The following CUL2 variants were observed in gnomAD, a reference collection of about 807,000 sequenced individuals.
CUL2 encodes cullin 2.
In CUL2, 22 loss-of-function variants were observed where a neutral mutation model predicts 110.2. The observed-to-expected ratio is 0.20, with a 90% CI of 0.14 to 0.28. CUL2 has a LOEUF of 0.28. CUL2 is among the 10% of genes least tolerant of loss of function. The pLI is 1.00. For missense variants in CUL2, 631 were observed against 905.5 expected, an observed-to-expected ratio of 0.70 and a Z score of 3.89; for synonymous variants, 279 against 293.2, an observed-to-expected ratio of 0.95 and a Z score of 0.49.
chr10:35,103,916 G>A (rs1216748667), intron 1 of CUL2, among the ~76,000 whole-genome samples: 1 of 151,596 alleles, frequency 6.6e-6, no homozygotes, highest in African/African-American at 2.4e-5. Flanking sequence ...TGGAATTGAG[G>A]GGATCCACTT....
chr10:35,045,330 T>C (rs2134809926), intron 6 of CUL2, among the ~76,000 whole-genome samples: 1 of 152,302 alleles, frequency 6.6e-6, no homozygotes, highest in South Asian at 2.1e-4. Flanking sequence ...GGCTCGTGCC[T>C]GTAATCCCAA....
At position 35,078,065 on chromosome 10, in the gene CUL2, G is replaced by A. The variant is rs1246119816; in HGVS notation, c.-22-6726C>T. ...AACATTAATATTTTCATAAATTTAG[G>A]GGAGAAAGCACATCATCTCTAACTG... On this transcript the variant is annotated intron_variant, in intron 1 of 20. Transcript: ENST00000374749. Among the ~76,000 whole-genome samples the A allele has an allele frequency of 4.6e-5, 7 of 151,932 alleles. No homozygotes were observed. In the East Asian group the frequency reaches 1.4e-3, roughly 29 times the overall value.
rs193194246 is a variant in CUL2 at position 35,106,350 on chromosome 10, C to T, written c.-50-5290G>A. ...TTTTTGTTTGTTTGAGAAGGAGTCT[C>T]ACTCTGTAGCCCAGGCTGGAGTGCA... On this transcript the variant is annotated intron_variant, in intron 1 of 5. Coordinates refer to the CUL2 transcript ENST00000685421. Among the ~76,000 whole-genome samples the T allele has an allele frequency of 4.9e-3, 729 of 150,154 alleles. 7 individuals are homozygous for T. The highest frequency in any genetic ancestry group is 0.014 in the Middle Eastern group (4 of 288).
rs773618932 is a variant in CUL2 at position 35,008,762 on chromosome 10, G to C, written c.*1549C>G. Reference sequence around the variant, plus strand: ...AAAAATGCAATTGAATAAACCAATTGTAAGACCCATCTCAAAACAACAAAT... The same window carrying C: ...AAAAATGCAATTGAATAAACCAATTCTAAGACCCATCTCAAAACAACAAAT... On this transcript the variant is annotated 3_prime_UTR_variant, in exon 21 of 21. Coordinates refer to ENST00000374749, the MANE Select transcript of CUL2 (RefSeq NM_003591.4). The C allele has an allele frequency of 2.0e-5, 3 of 152,228 alleles. No individual in the cohort carries two copies. Among genetic ancestry groups the C allele is most frequent in the South Asian group, 4.1e-4 (2 of 4,826 alleles). 9.4% of individuals were successfully genotyped at this position (152,228 alleles called of 1,614,324 possible).
At chr10:35,097,560 G>A (rs1427888229) in intron 2 of CUL2, among the ~76,000 whole-genome samples, 1 of 150,580 alleles carries the variant, frequency 6.6e-6, no homozygotes, top group Non-Finnish European at 1.5e-5. Flanking sequence ...AGGTGATCAA[G>A]CCCAGTATTA....
At chr10:35,038,515 G>A (rs1226489161) in intron 9 of CUL2, among the ~76,000 whole-genome samples, 2 of 86,550 alleles carry the variant, frequency 2.3e-5, no homozygotes, top group African/African-American at 9.5e-5. Context: ...GACAGAGTGA[G>A]ACTCTGTCTC....
At chr10:35,034,192 C>G (rs957329215) in intron 10 of CUL2, among the ~76,000 whole-genome samples, 2 of 152,168 alleles carry the variant, frequency 1.3e-5, no homozygotes, top group Non-Finnish European at 2.9e-5. Flanking sequence ...TTTCCATCTC[C>G]CAGCCTTGAC....
chr10:35,038,474 C>A (rs571981648), intron 9 of CUL2, among the ~76,000 whole-genome samples: 1 of 114,904 alleles, frequency 8.7e-6, no homozygotes, highest in African/African-American at 3.3e-5. Context: ...TGCAGCGAGC[C>A]AAGAGCACGC....
Position 35,011,860 on chromosome 10 carries a change from G to A in CUL2, c.2094C>T (p.Ala698=), listed in dbSNP as rs751128379. 2 of 1,606,920 alleles carry A rather than the reference G, an allele frequency of 1.2e-6. No homozygotes were observed. The highest frequency in any genetic ancestry group is 1.7e-5 in the Admixed American group (1 of 59,906). The part of the protein sequence containing the change: ...MKARKVLRHN[A]LIQEVISQSR... ...GCCCTCCTTTTACCTCTTGAATAAG[G>A]GCATTGTGCCGAAGCACTTTTCGTG... is the stretch of plus-strand genomic sequence containing the variant. Residue 698 remains alanine (A), a synonymous_variant, in exon 20 of 21, where the codon GCC becomes GCT. Transcript: ENST00000374749.
intron 1 of CUL2, chr10:35,074,405 C>T (rs1015647305): frequency 3.2e-6 from 2 of 619,276 alleles, no homozygotes; most frequent in Non-Finnish European, 5.8e-6. Context: ...TGCCTTTACC[C>T]TTACTATTTT....
chr10:35,012,848 A>G (rs1466953407), intron 19 of CUL2, among the ~76,000 whole-genome samples: 1 of 152,174 alleles, frequency 6.6e-6, no homozygotes, highest in East Asian at 1.9e-4. Context: ...AGTGATAGAA[A>G]CAGTCTATCC....
chr10:35,077,583 C>T (rs1047687667), intron 1 of CUL2, among the ~76,000 whole-genome samples: 2 of 151,604 alleles, frequency 1.3e-5, no homozygotes, highest in Non-Finnish European at 2.9e-5. Context: ...TTTGGGAGGC[C>T]GAGGCAGGCG....
chr10:35,121,678 C>T (rs530528974), intron 1 of CUL2, among the ~76,000 whole-genome samples: 1 of 152,178 alleles, frequency 6.6e-6, no homozygotes, highest in African/African-American at 2.4e-5. Flanking sequence ...GGCATGGTGG[C>T]ACATGTCTGT....
chr10:35,068,490 C>G (rs1250274327), intron 2 of CUL2, among the ~76,000 whole-genome samples: 1 of 152,012 alleles, frequency 6.6e-6, no homozygotes. Flanking sequence ...CCTAGAGAAA[C>G]GGGTGGGATT....
chr10:35,083,614 G>A (rs929467763), intron 1 of CUL2, among the ~76,000 whole-genome samples: 2 of 152,188 alleles, frequency 1.3e-5, no homozygotes. Context: ...CCCCCACAAA[G>A]AGGGTGGGGG....
At chr10:35,074,464 C>A in intron 1 of CUL2, 1 of 561,770 alleles carries the variant, frequency 1.8e-6, no homozygotes, top group South Asian at 2.1e-5. Context: ...TCCACCCATT[C>A]CACCTAACTC....
chr10:35,125,375 T>C (rs991875391), intron 1 of CUL2, among the ~76,000 whole-genome samples: 7 of 152,216 alleles, frequency 4.6e-5, no homozygotes, highest in Non-Finnish European at 7.3e-5. Flanking sequence ...AAGGAAACCG[T>C]AGAGCAAATA....
intron 1 of CUL2, among the ~76,000 whole-genome samples, chr10:35,078,864 A>G (rs1589043622): frequency 6.6e-6 from 1 of 152,346 alleles, no homozygotes; most frequent in African/African-American, 2.4e-5. Context: ...AAAATTTGGC[A>G]TCCAAAAATT....
Position 35,071,355 on chromosome 10 carries a change from CA to C in CUL2, c.-22-17del, listed in dbSNP as rs755688137. ...GTGTTGAAATCTGTCAATTAAAAAA[CA>C]ATAACAATGTTAGCAATAATTCCAT... On this transcript the variant is annotated splice_polypyrimidine_tract_variant and intron_variant, in intron 1 of 20. Transcript: ENST00000374749. 34 of 1,592,806 alleles carry C rather than the reference CA, an allele frequency of 2.1e-5. No homozygotes were observed. In the African/African-American group the frequency reaches 4.3e-4, roughly 20 times the overall value.
Sources: allele counts gnomAD v4.1 joint callset (sites outside exome capture counted in the v4.1 genomes callset), GRCh38; gene constraint gnomAD v4.1.1; transcripts MANE v1.5; gene names NCBI Gene and HGNC (gene_info 2026-07-23, HGNC 2026-07-21).